The following BCKDHB variants were observed in gnomAD, a reference collection of about 807,000 sequenced individuals.
BCKDHB encodes the protein 2-oxoisovalerate dehydrogenase subunit beta, mitochondrial.
A neutral mutation model predicts 48.5 loss-of-function variants in BCKDHB; 41 were observed. The observed-to-expected ratio is 0.85, with a 90% CI of 0.66 to 1.10. The LOEUF is 1.10. Ranked by LOEUF, BCKDHB falls within the 50% of genes least tolerant of loss-of-function variation. The pLI, the probability that BCKDHB is intolerant of heterozygous loss-of-function variation, is 0.00. For missense variants in BCKDHB, 496 were observed against 494.2 expected, an observed-to-expected ratio of 1.00 and a Z score of -0.03; for synonymous variants, 201 against 174.8, an observed-to-expected ratio of 1.15 and a Z score of -1.18.
chr6:80,297,058 G>C (rs1356778116), intron 9 of BCKDHB, among the ~76,000 whole-genome samples: 1 of 152,156 alleles, frequency 6.6e-6, no homozygotes, highest in South Asian at 2.1e-4. Context: ...TTAGGTACTA[G>C]GTGTGGAGTC....
chr6:80,214,985 T>C (rs1775102516), intron 8 of BCKDHB, among the ~76,000 whole-genome samples: 1 of 152,330 alleles, frequency 6.6e-6, no homozygotes, highest in Non-Finnish European at 1.5e-5. Flanking sequence ...GTAGTTTATA[T>C]TTCTGAGGGT....
the BCKDHB span, among the ~76,000 whole-genome samples, chr6:80,430,450 C>A: frequency 6.6e-6 from 1 of 152,168 alleles, no homozygotes; most frequent in Admixed American, 6.5e-5. Context: ...ACCAACTCCT[C>A]TTTGTACCTC....
chr6:80,250,595 C>T (rs1259657590), intron 8 of BCKDHB, among the ~76,000 whole-genome samples: 1 of 152,130 alleles, frequency 6.6e-6, no homozygotes, highest in Non-Finnish European at 1.5e-5. Context: ...CTGTGTACTT[C>T]TGTTGTCACT....
At chr6:80,121,270 G>A in intron 1 of BCKDHB, among the ~76,000 whole-genome samples, 1 of 152,160 alleles carries the variant, frequency 6.6e-6, no homozygotes, top group East Asian at 1.9e-4. Flanking sequence ...CTGTAGCCTT[G>A]TAGTATAGTT....
chr6:80,251,570 A>G (rs1286037904), intron 8 of BCKDHB: 2 of 152,222 alleles, frequency 1.3e-5, no homozygotes, highest in African/African-American at 4.8e-5. Flanking sequence ...CCCTTCTGCC[A>G]TATGTTTATT....
At chr6:80,355,267 G>C in the BCKDHB span, among the ~76,000 whole-genome samples, 1 of 152,002 alleles carries the variant, frequency 6.6e-6, no homozygotes, top group Non-Finnish European at 1.5e-5. Flanking sequence ...GGGCATGGTG[G>C]TACACGCCTG....
At chr6:80,257,253 A>T (rs927670532) in intron 8 of BCKDHB, among the ~76,000 whole-genome samples, 3 of 151,688 alleles carry the variant, frequency 2.0e-5, no homozygotes, top group Non-Finnish European at 4.4e-5. Context: ...TTAAAATCCT[A>T]GTTTCTCTTG....
At chr6:80,209,804 T>C (rs1161184362) in intron 8 of BCKDHB, among the ~76,000 whole-genome samples, 2 of 151,942 alleles carry the variant, frequency 1.3e-5, no homozygotes, top group Non-Finnish European at 2.9e-5. Context: ...TTGTGCTTCA[T>C]TACATTTAAG....
the BCKDHB span, among the ~76,000 whole-genome samples, chr6:80,378,980 G>C: frequency 1.3e-5 from 2 of 152,030 alleles, no homozygotes; most frequent in Non-Finnish European, 2.9e-5. Flanking sequence ...AAAAGACCAG[G>C]ACCAGACAGA....
chr6:80,465,705 G>A, the BCKDHB span: 1 of 152,190 alleles, frequency 6.6e-6, no homozygotes, highest in Non-Finnish European at 1.5e-5. Context: ...TGCACATTTA[G>A]CAAGAGTTTG....
intron 6 of BCKDHB, among the ~76,000 whole-genome samples, chr6:80,190,434 T>C (rs1321044175): frequency 6.6e-6 from 1 of 152,170 alleles, no homozygotes; most frequent in Non-Finnish European, 1.5e-5. Flanking sequence ...TAACAGTGGT[T>C]ATGAGCTTGG....
chr6:80,128,051 A>G (rs1267145146), intron 2 of BCKDHB, among the ~76,000 whole-genome samples: 2 of 151,952 alleles, frequency 1.3e-5, no homozygotes, highest in African/African-American at 4.8e-5. Context: ...ATATAATTTT[A>G]TAAGTATCTT....
chr6:80,446,164 C>G, the BCKDHB span, among the ~76,000 whole-genome samples: 1 of 152,158 alleles, frequency 6.6e-6, no homozygotes, highest in Non-Finnish European at 1.5e-5. Context: ...GAATTAGTGG[C>G]ATGATAAGTG....
At chr6:80,150,305 T>C (rs1018750928) in intron 3 of BCKDHB, among the ~76,000 whole-genome samples, 1 of 152,148 alleles carries the variant, frequency 6.6e-6, no homozygotes, top group Non-Finnish European at 1.5e-5. Flanking sequence ...TTTACTTATA[T>C]ATAATATTCA....
chr6:80,340,242 A>C (rs1271784637), intron 9 of BCKDHB, among the ~76,000 whole-genome samples: 1 of 152,196 alleles, frequency 6.6e-6, no homozygotes, highest in Non-Finnish European at 1.5e-5. Context: ...CACATTGCCA[A>C]CAGAATATAT....
intron 2 of BCKDHB, 52 bp from the exon 3 acceptor site, chr6:80,129,109 T>A: frequency 8.0e-7 from 1 of 1,256,464 alleles, no homozygotes; most frequent in Non-Finnish European, 1.1e-6. Flanking sequence ...TCATTGTTAG[T>A]ATTATTTAGA....
intron 9 of BCKDHB, among the ~76,000 whole-genome samples, chr6:80,296,407 A>G (rs1767250750): frequency 6.6e-6 from 1 of 152,232 alleles, no homozygotes; most frequent in African/African-American, 2.4e-5. Context: ...ACAGTTATTC[A>G]TATTGGAATT....
At chr6:80,195,056 G>A (rs116049955) in intron 6 of BCKDHB, among the ~76,000 whole-genome samples, 3,618 of 152,180 alleles carry the variant, frequency 0.024, 146 homozygotes, top group African/African-American at 0.083. Context: ...ATCACTGTGG[G>A]TTAAGTACTA....
At chr6:80,423,297 A>G in the BCKDHB span, among the ~76,000 whole-genome samples, 1 of 152,158 alleles carries the variant, frequency 6.6e-6, no homozygotes, top group Non-Finnish European at 1.5e-5. Context: ...ACTGTGAGTC[A>G]ATTAAACCTG....
Sources: gnomAD v4.1 joint callset for allele counts (sites outside exome capture counted in the v4.1 genomes callset) on GRCh38, gnomAD v4.1.1 for gene constraint, MANE v1.5 for transcripts, NCBI Gene and HGNC (gene_info 2026-07-23, HGNC 2026-07-21) for gene names.